Variants in CFL2 observed in about 807,000 individuals in gnomAD.
CFL2 encodes the protein cofilin 2.
A neutral mutation model predicts 19.6 loss-of-function variants in CFL2; 10 were observed. The observed-to-expected ratio is 0.51, with a 90% CI of 0.31 to 0.86. The LOEUF (loss-of-function observed/expected upper bound fraction) is 0.86. Among genes scored for constraint, CFL2 ranks in the 40% least tolerant of loss-of-function variants. The probability of loss-of-function intolerance (pLI) is 0.04; values close to 1 mark genes in which losing one functional copy is unlikely to be tolerated. For synonymous variants in CFL2, 63 were observed against 66.7 expected, an observed-to-expected ratio of 0.95 and a Z score of 0.27; for missense variants, 125 against 192.1, an observed-to-expected ratio of 0.65 and a Z score of 2.06.
chr14:34,709,619 A>T lies in CFL2; in HGVS notation c.*3246T>A, dbSNP rs1251020680. 9.4e-5 allele frequency: 9 copies of T among 95,888 alleles called. No homozygotes were observed. The highest frequency in any genetic ancestry group is 1.2e-4 in the Admixed American group (1 of 8,058). The allele number at this position is 95,888 out of a possible 1,614,324, so 5.9% of individuals were successfully genotyped here. On this transcript the variant is annotated 3_prime_UTR_variant, in exon 4 of 4. Transcript: ENST00000298159. The stretch of plus-strand genomic sequence containing the variant: ...GCCAAACTCAGTCTCTACAAAAGAG[A>T]TACAAAAAAAAAAAAAAAAAAAATT...
In CFL2 at chr14:34,709,318, C is replaced by A. The variant is rs1416115669; in HGVS notation, c.*3547G>T. On this transcript the variant is annotated 3_prime_UTR_variant, in exon 4 of 4. Transcript: ENST00000298159. Reference sequence around the variant, plus strand: ...ACTGAGATTTAGAGATTTAATTTGCCAAATTGCATTATGAGAGGAAATTTA... The same window carrying A: ...ACTGAGATTTAGAGATTTAATTTGCAAAATTGCATTATGAGAGGAAATTTA... 6.6e-6 allele frequency: 1 copy of A among 152,030 alleles called. No individual in the cohort carries two copies. The highest frequency in any genetic ancestry group is 1.5e-5 in the Non-Finnish European group (1 of 68,024). The allele number at this position is 152,030 out of a possible 1,614,324, so 9.4% of individuals were successfully genotyped here.
rs1475085742 is a variant in CFL2 at position 34,710,288 on chromosome 14, C to A, written c.*2577G>T. Reference sequence around the variant, plus strand: ...TGCTAAAATTAATTGCTGTAACACTCAGTTTTTAAAGAAAATTGTTATTGA... The same window carrying A: ...TGCTAAAATTAATTGCTGTAACACTAAGTTTTTAAAGAAAATTGTTATTGA... On this transcript the variant is annotated 3_prime_UTR_variant, in exon 4 of 4. Transcript: ENST00000298159. The A allele has an allele frequency of 8.3e-6, 2 of 240,164 alleles. No individual in the cohort carries two copies. The highest frequency in any genetic ancestry group is 4.7e-5 in the African/African-American group (2 of 42,452). 14.9% of individuals were successfully genotyped at this position (240,164 alleles called of 1,614,324 possible). A position where few individuals can be genotyped will look rare whatever the true frequency, so the allele number is the denominator to read the frequency against.
At position 34,713,079 on chromosome 14, in the gene CFL2, G is replaced by A; in HGVS notation, c.369C>T (p.Ala123=). ...TTGTACCTGTAAATTTCTTTTTAAT[G>A]GCATCTTTAGAGCTAGCATAAATCA... ...SKMIYASSKD[A]IKKKFTGIKH... is the part of the protein sequence containing the mutation. Residue 123 remains alanine, a synonymous_variant, in exon 3 of 4, where the codon GCC becomes GCT. Coordinates refer to ENST00000298159, the MANE Select transcript of CFL2 (RefSeq NM_138638.5). The A allele has an allele frequency of 3.2e-6, 5 of 1,584,774 alleles. No homozygotes were observed. The highest frequency in any genetic ancestry group is 1.1e-5 in the South Asian group (1 of 87,426).
At chr14:34,714,173 C>A in intron 1 of CFL2, 1 of 372,422 alleles carries the variant, frequency 2.7e-6, no homozygotes, top group Non-Finnish European at 4.8e-6. Context: ...GACCCTGACC[C>A]ACACAGCGTT....
At position 34,710,919 on chromosome 14, in the gene CFL2, T is replaced by TA; in HGVS notation, c.*1945_*1946insT. On this transcript the variant is annotated 3_prime_UTR_variant, in exon 4 of 4. Coordinates refer to ENST00000298159, the MANE Select transcript of CFL2 (RefSeq NM_138638.5). Reference sequence around the variant, plus strand: ...TGCCAAGTATCAGTTACACATATGGTTAAGTATACGTCAGTATTCTCTGTT... The same window carrying TA: ...TGCCAAGTATCAGTTACACATATGGTATAAGTATACGTCAGTATTCTCTGTT... 2.2e-6 allele frequency: 1 copy of TA among 454,090 alleles called. No homozygotes were observed. The highest frequency in any genetic ancestry group is 1.6e-5 in the South Asian group (1 of 64,476). 28.1% of individuals were successfully genotyped at this position (454,090 alleles called of 1,614,324 possible).
Position 34,712,602 on chromosome 14 carries a change from G to A in CFL2, c.*263C>T, listed in dbSNP as rs1885341155. ...ACATACATTGTAGTGCTTGCTGCAA[G>A]GGAGGCATATAACCAGTTGTTTTGG... On this transcript the variant is annotated 3_prime_UTR_variant, in exon 4 of 4. Coordinates refer to ENST00000298159, the MANE Select transcript of CFL2 (RefSeq NM_138638.5). 1.7e-6 allele frequency: 1 copy of A among 597,718 alleles called. No homozygotes were observed. Among genetic ancestry groups the A allele is most frequent in the African/African-American group, 1.8e-5 (1 of 54,934 alleles). 37.0% of individuals were successfully genotyped at this position (597,718 alleles called of 1,614,324 possible). A position where few individuals can be genotyped will look rare whatever the true frequency, so the allele number is the denominator to read the frequency against.
chr14:34,712,937 A>C lies in CFL2; in HGVS notation c.429T>G (p.Ile143Met). ...TCTCTCCAAGTGTCGAACGGTCCTT[A>C]ATATCATCCAAGCCATTTACTTGCC... ...HEWQVNGLDD[I>M]KDRSTLGEKL... Residue 143 changes from isoleucine (I) to methionine (M), a missense_variant, in exon 4 of 4, where the codon ATT (isoleucine) becomes ATG (methionine). Coordinates refer to ENST00000298159, the MANE Select transcript of CFL2 (RefSeq NM_138638.5). 2.5e-6 allele frequency: 4 copies of C among 1,611,432 alleles called. No individual in the cohort carries two copies. Among genetic ancestry groups the C allele is most frequent in the Non-Finnish European group, 3.4e-6 (4 of 1,177,548 alleles).
rs749446481 is a variant in CFL2 at position 34,712,780 on chromosome 14, A to G, written c.*85T>C. 2.4e-6 allele frequency: 2 copies of G among 848,826 alleles called. No individual in the cohort carries two copies. Among genetic ancestry groups the G allele is most frequent in the East Asian group, 4.9e-5 (2 of 41,154 alleles). 52.6% of individuals were successfully genotyped at this position (848,826 alleles called of 1,614,324 possible). A position where few individuals can be genotyped will look rare whatever the true frequency, so the allele number is the denominator to read the frequency against. ...CCAGTGGAAAGGGGGAAATACAACA[A>G]AAAACCAAAACCTAATACTATTCCA... is the stretch of plus-strand genomic sequence containing the variant. On this transcript the variant is annotated 3_prime_UTR_variant, in exon 4 of 4. Coordinates refer to ENST00000298159, the MANE Select transcript of CFL2 (RefSeq NM_138638.5).
In CFL2 at chr14:34,710,789, G is replaced by T; in HGVS notation, c.*2076C>A. On this transcript the variant is annotated 3_prime_UTR_variant, in exon 4 of 4. Transcript: ENST00000298159. ...CTCTGAAATTACTAGAGGCATACAAGAAAGTTAAGGAATCAGCTACAAAAA... is the reference window on the plus strand; with the variant it reads ...CTCTGAAATTACTAGAGGCATACAATAAAGTTAAGGAATCAGCTACAAAAA... 4.4e-6 allele frequency: 2 copies of T among 452,112 alleles called. No individual in the cohort carries two copies. Among genetic ancestry groups the T allele is most frequent in the South Asian group, 1.6e-5 (1 of 63,838 alleles). 28.0% of individuals were successfully genotyped at this position (452,112 alleles called of 1,614,324 possible).
rs1350500597 is a variant in CFL2, at chr14:34,709,687, C to T, written c.*3178G>A. On this transcript the variant is annotated 3_prime_UTR_variant, in exon 4 of 4. Coordinates refer to ENST00000298159, the MANE Select transcript of CFL2 (RefSeq NM_138638.5). ...CCTGTAGTCCCAGCTACTTGGGAGG[C>T]TGAGGTGGGAGGATCATCTGAGCTG... 1 of 142,572 alleles carries T rather than the reference C, an allele frequency of 7.0e-6. No individual in the cohort carries two copies. The highest frequency in any genetic ancestry group is 2.6e-5 in the African/African-American group (1 of 38,076). The allele number at this position is 142,572 out of a possible 1,614,324, so 8.8% of individuals were successfully genotyped here.
Position 34,714,475 on chromosome 14 carries a change from C to A in CFL2, c.3+63G>T, listed in dbSNP as rs970887168. On this transcript the variant is annotated intron_variant, in intron 1 of 3. Transcript: ENST00000298159. ...CAGGTTAAAATGGCGGCCTCACTCCCGGGGCCGTGCGGGGGGCTTTTCTCG... is the reference window on the plus strand; with the variant it reads ...CAGGTTAAAATGGCGGCCTCACTCCAGGGGCCGTGCGGGGGGCTTTTCTCG... The A allele has an allele frequency of 2.6e-6, 4 of 1,529,674 alleles. No individual in the cohort carries two copies. The Admixed American group carries it at 6.1e-5, about 23-fold the overall frequency. 94.8% of individuals were successfully genotyped at this position (1,529,674 alleles called of 1,614,324 possible).
rs912726681 is a variant in CFL2 at position 34,713,737 on chromosome 14, T to A, written c.4-176A>T. The stretch of plus-strand genomic sequence containing the variant: ...ATCAGTAGACGATACAGCGAAGGAG[T>A]CTAACTCATCCTGCCCATTCATCCT... On this transcript the variant is annotated intron_variant, in intron 1 of 3. Coordinates refer to ENST00000298159, the MANE Select transcript of CFL2 (RefSeq NM_138638.5). The A allele has an allele frequency of 2.5e-6, 4 of 1,611,894 alleles. No homozygotes were observed. In the African/African-American group the frequency reaches 5.3e-5, roughly 22 times the overall value.
chr14:34,713,832 A>G, intron 1 of CFL2: 1 of 1,556,160 alleles, frequency 6.4e-7, no homozygotes, highest in Non-Finnish European at 8.7e-7. Flanking sequence ...AATGTTTCCT[A>G]TTTCACTGGG....
At chr14:34,714,476 G>C in intron 1 of CFL2, 62 bp downstream of exon 1, 5 of 1,530,128 alleles carry the variant, frequency 3.3e-6, no homozygotes, top group Non-Finnish European at 4.4e-6. Context: ...CCTCACTCCC[G>C]GGGCCGTGCG....
chr14:34,713,528 T>G lies in CFL2; in HGVS notation c.37A>C (p.Lys13Gln), dbSNP rs1222172951. 2.5e-6 allele frequency: 4 copies of G among 1,614,114 alleles called. No homozygotes were observed. Among genetic ancestry groups the G allele is most frequent in the Non-Finnish European group, 3.4e-6 (4 of 1,180,026 alleles). The change falls in exon 2 of 4, where the codon AAA (lysine) becomes CAA (glutamine). Residue 13 changes from lysine to glutamine, a missense_variant. Physicochemically the swap from Lys to Gln is moderately conservative, Grantham distance 53. Coordinates refer to ENST00000298159, the MANE Select transcript of CFL2 (RefSeq NM_138638.5). ...CTTACTTTCATATCATTAAAAACTT[T>G]GATGACTTCATCATTCACTGTAACT... ...SGVTVNDEVI[K>Q]VFNDMKVRKS...
intron 2 of CFL2, 28 bp from the exon 3 acceptor site, chr14:34,713,164 C>A: frequency 6.4e-7 from 1 of 1,573,368 alleles, no homozygotes; most frequent in South Asian, 1.1e-5. Flanking sequence ...ATTATTGAAT[C>A]CCATTTATAA....
Position 34,712,132 on chromosome 14 carries a change from A to C in CFL2, c.*733T>G, listed in dbSNP as rs1318226977. 2.2e-6 allele frequency: 1 copy of C among 454,434 alleles called. No homozygotes were observed. Among genetic ancestry groups the C allele is most frequent in the Non-Finnish European group, 4.4e-6 (1 of 226,780 alleles). The allele number at this position is 454,434 out of a possible 1,614,324, so 28.2% of individuals were successfully genotyped here. A position where few individuals can be genotyped will look rare whatever the true frequency, so the allele number is the denominator to read the frequency against. The stretch of plus-strand genomic sequence containing the variant: ...GAAATTGCCATCATGACTGATATTC[A>C]AAATATCTTTAGTGTTGCAGGACTC... On this transcript the variant is annotated 3_prime_UTR_variant, in exon 4 of 4. Transcript: ENST00000298159.
chr14:34,714,581 G>C lies in CFL2; in HGVS notation c.-41C>G, dbSNP rs1366532007. The C allele has an allele frequency of 1.3e-6, 2 of 1,534,636 alleles. No individual in the cohort carries two copies. The highest frequency in any genetic ancestry group is 1.8e-6 in the Non-Finnish European group (2 of 1,129,142). On this transcript the variant is annotated 5_prime_UTR_variant, in exon 1 of 4. Coordinates refer to ENST00000298159, the MANE Select transcript of CFL2 (RefSeq NM_138638.5). ...GGCTGCGGCGGCAGCTCGGGCTTCG[G>C]CTCTGTGGCACTGGGAGGAGAAGGA...
At position 34,711,254 on chromosome 14, in the gene CFL2, C is replaced by G. The variant is rs1314120323; in HGVS notation, c.*1611G>C. ...CTGAGCTATGGGGTTAAGTTCTGAG[C>G]CACGACTGACTGCTTACTAGCATGC... On this transcript the variant is annotated 3_prime_UTR_variant, in exon 4 of 4. Transcript: ENST00000298159. The G allele has an allele frequency of 2.2e-6, 1 of 454,414 alleles. No homozygotes were observed. The highest frequency in any genetic ancestry group is 2.0e-5 in the African/African-American group (1 of 50,004). 28.1% of individuals were successfully genotyped at this position (454,414 alleles called of 1,614,324 possible).
Sources: allele counts gnomAD v4.1 joint callset, GRCh38; gene constraint gnomAD v4.1.1; transcripts MANE v1.5; gene names NCBI Gene and HGNC (gene_info 2026-07-23, HGNC 2026-07-21).